Variants in STPG4 observed in about 807,000 individuals in gnomAD.
STPG4 encodes the protein sperm-tail PG-rich repeat containing 4, also known as protein STPG4.
In STPG4, 41 loss-of-function variants were observed where a neutral mutation model predicts 31.5. The observed-to-expected ratio is 1.30, with a 90% CI of 1.01 to 1.69. STPG4 has a LOEUF of 1.69. STPG4 is among the 40% of genes most tolerant of loss of function. The pLI is 0.00. For synonymous variants in STPG4, 141 were observed against 103.0 expected, an observed-to-expected ratio of 1.37 and a Z score of -2.24; for missense variants, 375 against 293.4, an observed-to-expected ratio of 1.28 and a Z score of -2.03.
At chr2:47,144,800 G>A (rs959343989) in intron 3 of STPG4, among the ~76,000 whole-genome samples, 3 of 151,960 alleles carry the variant, frequency 2.0e-5, no homozygotes, top group Non-Finnish European at 4.4e-5. Flanking sequence ...GCGCAACCTC[G>A]GCTCACTGCA....
chr2:47,112,570 T>C (rs1686062127), intron 5 of STPG4, among the ~76,000 whole-genome samples: 1 of 152,218 alleles, frequency 6.6e-6, no homozygotes, highest in Non-Finnish European at 1.5e-5. Flanking sequence ...TTTGTATCTT[T>C]TATAACTAGC....
chr2:47,099,999 A>G (rs1358294151), intron 5 of STPG4, among the ~76,000 whole-genome samples: 1 of 152,084 alleles, frequency 6.6e-6, no homozygotes, highest in Non-Finnish European at 1.5e-5. Context: ...GCAGCCCACC[A>G]TGCCTGAGCC....
chr2:47,135,789 T>G (rs941197230), intron 3 of STPG4, among the ~76,000 whole-genome samples: 5 of 152,238 alleles, frequency 3.3e-5, no homozygotes, highest in Non-Finnish European at 5.9e-5. Context: ...AAAATTCAGT[T>G]GACTATATTT....
chr2:47,106,233 A>G (rs1685907274), intron 5 of STPG4, among the ~76,000 whole-genome samples: 1 of 151,984 alleles, frequency 6.6e-6, no homozygotes, highest in South Asian at 2.1e-4. Flanking sequence ...ATATTTTTCT[A>G]TGTGGAACAT....
At chr2:47,117,006 G>A (rs965835640) in intron 5 of STPG4, among the ~76,000 whole-genome samples, 50 of 152,124 alleles carry the variant, frequency 3.3e-4, no homozygotes, top group African/African-American at 1.1e-3. Context: ...GACACCTAGC[G>A]CTTTGGTTTA....
intron 5 of STPG4, among the ~76,000 whole-genome samples, chr2:47,113,286 G>C (rs183279399): frequency 6.6e-6 from 1 of 152,026 alleles, no homozygotes; most frequent in Non-Finnish European, 1.5e-5. Context: ...TAAAATACAA[G>C]CAAAAGGAAA....
chr2:47,122,367 C>T (rs943297474), intron 5 of STPG4, among the ~76,000 whole-genome samples: 6 of 152,008 alleles, frequency 3.9e-5, no homozygotes, highest in South Asian at 2.1e-4. Flanking sequence ...TATTTATTTT[C>T]CTTTGAAATT....
intron 5 of STPG4, among the ~76,000 whole-genome samples, chr2:47,112,213 C>T (rs1686051340): frequency 6.6e-6 from 1 of 152,280 alleles, no homozygotes; most frequent in Non-Finnish European, 1.5e-5. Flanking sequence ...GTCACCCAGG[C>T]TGGGGTGCAG....
intron 5 of STPG4, among the ~76,000 whole-genome samples, chr2:47,117,401 G>A (rs571904682): frequency 1.3e-5 from 2 of 152,252 alleles, no homozygotes; most frequent in African/African-American, 2.4e-5. Context: ...TAGAGATGGG[G>A]TTTCTCCATG....
intron 3 of STPG4, 47 bp downstream of exon 3, chr2:47,151,211 C>T: frequency 1.2e-6 from 2 of 1,603,754 alleles, no homozygotes; most frequent in Middle Eastern, 1.7e-4. Flanking sequence ...TCCTCAGGGG[C>T]TCTTAGTAGC....
At chr2:47,120,561 C>T (rs547345316) in intron 5 of STPG4, among the ~76,000 whole-genome samples, 5 of 61,204 alleles carry the variant, frequency 8.2e-5, no homozygotes, top group South Asian at 2.4e-3. Context: ...AGCAAGACTC[C>T]GTCTCAAAAA....
intron 3 of STPG4, among the ~76,000 whole-genome samples, chr2:47,138,150 C>T (rs1385423290): frequency 3.9e-5 from 6 of 152,094 alleles, no homozygotes; most frequent in South Asian, 2.1e-4. Context: ...TTGCTACATC[C>T]CACAAATTTT....
chr2:47,088,391 C>T (rs1685503050), intron 6 of STPG4, among the ~76,000 whole-genome samples: 2 of 152,224 alleles, frequency 1.3e-5, no homozygotes, highest in South Asian at 4.1e-4. Flanking sequence ...AGTCCGAAGG[C>T]ATTTGAGACA....
At chr2:47,119,745 G>C (rs1686229249) in intron 5 of STPG4, among the ~76,000 whole-genome samples, 1 of 152,218 alleles carries the variant, frequency 6.6e-6, no homozygotes, top group African/African-American at 2.4e-5. Context: ...AGTGAGGTTT[G>C]TAGTAGAAAA....
chr2:47,136,385 T>C (rs1232996184), intron 3 of STPG4, among the ~76,000 whole-genome samples: 1 of 152,104 alleles, frequency 6.6e-6, no homozygotes, highest in Non-Finnish European at 1.5e-5. Context: ...TGACCTCAGG[T>C]GATGCACCCG....
At chr2:47,128,567 T>G (rs1311783635) in intron 5 of STPG4, among the ~76,000 whole-genome samples, 1 of 151,822 alleles carries the variant, frequency 6.6e-6, no homozygotes, top group Non-Finnish European at 1.5e-5. Context: ...AGAAAGAATC[T>G]CTCTATGCCA....
At chr2:47,090,235 G>C (rs940022667) in intron 6 of STPG4, 35 bp downstream of exon 6, 1 of 1,429,684 alleles carries the variant, frequency 7.0e-7, no homozygotes, top group African/African-American at 1.4e-5. Context: ...CATACCCCTA[G>C]GGGTGGGGGG....
At chr2:47,090,202 A>C in intron 6 of STPG4, 68 bp downstream of exon 6, 1 of 1,113,798 alleles carries the variant, frequency 9.0e-7, no homozygotes, top group Non-Finnish European at 1.3e-6. Context: ...CACACATAGA[A>C]ACAGAAAACC....
chr2:47,144,155 A>G (rs1032688939), intron 3 of STPG4, among the ~76,000 whole-genome samples: 1 of 152,178 alleles, frequency 6.6e-6, no homozygotes, highest in Admixed American at 6.5e-5. Flanking sequence ...CACTAGATCC[A>G]TGTTTCTAGT....
Sources: gnomAD v4.1 joint callset for allele counts (sites outside exome capture counted in the v4.1 genomes callset) on GRCh38, gnomAD v4.1.1 for gene constraint, MANE v1.5 for transcripts, NCBI Gene and HGNC (gene_info 2026-07-23, HGNC 2026-07-21) for gene names.